FER: variants seen among roughly 807,000 people sequenced by gnomAD.
The protein encoded by FER is tyrosine-protein kinase Fer.
Under a neutral mutation model 111.0 loss-of-function variants are expected in FER, and 63 were observed. That is an observed-to-expected ratio of 0.57 (90% CI 0.46 to 0.70). The LOEUF (loss-of-function observed/expected upper bound fraction) is 0.70, where lower values mean the gene tolerates loss of function less well. FER is among the 30% of genes least tolerant of loss of function. The pLI is 0.00. For missense variants in FER, 914 were observed against 954.0 expected (o/e 0.96, Z 0.55); for synonymous variants, 327 against 313.9 (o/e 1.04, Z -0.44).
intron 16 of FER, among the ~76,000 whole-genome samples, chr5:109,076,089 A>T (rs1426464494): frequency 1.3e-5 from 2 of 152,024 alleles, no homozygotes; most frequent in African/African-American, 4.8e-5. Context: ...TATAACACCC[A>T]CCTACATTTT....
At chr5:108,975,747 G>C (rs1201192465) in intron 13 of FER, among the ~76,000 whole-genome samples, 1 of 152,110 alleles carries the variant, frequency 6.6e-6, no homozygotes, top group East Asian at 1.9e-4. Flanking sequence ...TATTTGTGGG[G>C]GTGTTGATTG....
At chr5:109,139,880 A>G (rs1413901311) in intron 17 of FER, among the ~76,000 whole-genome samples, 2 of 152,202 alleles carry the variant, frequency 1.3e-5, no homozygotes, top group Non-Finnish European at 2.9e-5. Context: ...ACACCGTGCT[A>G]GATGGATTGC....
intron 16 of FER, among the ~76,000 whole-genome samples, chr5:109,060,288 A>G (rs114853712): frequency 0.015 from 2,214 of 152,308 alleles, 41 homozygotes; most frequent in African/African-American, 0.05. Context: ...CTAAGCTTCA[A>G]TATACTTCTT....
intron 16 of FER, among the ~76,000 whole-genome samples, chr5:109,092,256 T>G (rs1020570119): frequency 1.2e-4 from 11 of 88,120 alleles, no homozygotes; most frequent in Admixed American, 3.4e-4. Context: ...ACAGGGAGAG[T>G]ACATCAATCT....
At chr5:108,751,756 C>G (rs1169348134) in intron 1 of FER, among the ~76,000 whole-genome samples, 1 of 152,090 alleles carries the variant, frequency 6.6e-6, no homozygotes, top group Non-Finnish European at 1.5e-5. Context: ...TTCGATAGGA[C>G]TCAACGATCT....
At chr5:108,930,966 G>A (rs544243990) in intron 10 of FER, among the ~76,000 whole-genome samples, 1 of 151,682 alleles carries the variant, frequency 6.6e-6, no homozygotes, top group African/African-American at 2.4e-5. Context: ...GTGTAGGGAA[G>A]GAAGAAAACG....
intron 13 of FER, among the ~76,000 whole-genome samples, chr5:108,963,897 A>T (rs1759464489): frequency 1.3e-5 from 2 of 152,160 alleles, no homozygotes; most frequent in Non-Finnish European, 2.9e-5. Flanking sequence ...CTTACATCTG[A>T]TATAGCTTGC....
intron 9 of FER, among the ~76,000 whole-genome samples, chr5:108,885,589 C>G (rs1746998680): frequency 6.6e-6 from 1 of 151,768 alleles, no homozygotes; most frequent in Non-Finnish European, 1.5e-5. Context: ...GCTGTCTTCT[C>G]ATTGTATCCT....
At chr5:109,173,766 C>G (rs540319306) in intron 17 of FER, among the ~76,000 whole-genome samples, 15 of 142,204 alleles carry the variant, frequency 1.1e-4, no homozygotes, top group Non-Finnish European at 2.3e-4. Context: ...TCCCCCCCCC[C>G]CACAAGTAAC....
chr5:109,037,360 A>G, intron 13 of FER, 62 bp from the exon 14 acceptor site: 2 of 1,424,868 alleles, frequency 1.4e-6, no homozygotes, highest in Non-Finnish European at 9.9e-7. Context: ...ACTGGCTCAA[A>G]TGCAACTTCA....
chr5:108,844,996 GTATATATATATATATATATATATA>G (rs1178206742), intron 5 of FER, among the ~76,000 whole-genome samples: 20 of 29,286 alleles, frequency 6.8e-4, no homozygotes, highest in Admixed American at 3.6e-3. Context: ...GTGTGTGTGT[GTATATATATATATATATATATATA>G]TATATATATA....
At chr5:109,139,892 A>G (rs1183474620) in intron 17 of FER, among the ~76,000 whole-genome samples, 2 of 152,174 alleles carry the variant, frequency 1.3e-5, no homozygotes, top group African/African-American at 2.4e-5. Flanking sequence ...ATGGATTGCA[A>G]TAAAAAAAAA....
rs1375039575 is a variant in FER, at chr5:108,798,279, G to C, written c.97G>C (p.Ala33Pro). The C allele has an allele frequency of 6.2e-7, 1 of 1,613,750 alleles. No homozygotes were observed. The highest frequency in any genetic ancestry group is 8.5e-7 in the Non-Finnish European group (1 of 1,179,860). The change falls in exon 3 of 20, where the codon GCC becomes CCC. Residue 33 changes from alanine (A) to proline (P), a missense_variant. Physicochemically the swap from Ala to Pro is conservative, Grantham distance 27 (BLOSUM62 -1). Coordinates refer to ENST00000281092, the MANE Select transcript of FER (RefSeq NM_005246.4). ...ACTGGAAACAGTAAAGAAATTTATG[G>C]CCCTGAGAATAAAAAGTGATAAAGA... Reference protein sequence around the residue: ...RLLETVKKFMALRIKSDKEYA... With the variant: ...RLLETVKKFMPLRIKSDKEYA...
At chr5:109,164,556 C>T (rs564821885) in intron 17 of FER, among the ~76,000 whole-genome samples, 4 of 152,142 alleles carry the variant, frequency 2.6e-5, no homozygotes, top group Non-Finnish European at 4.4e-5. Context: ...TTCTTTTATT[C>T]TTGCTCTTAA....
chr5:108,924,042 G>A (rs1427945833), intron 10 of FER, among the ~76,000 whole-genome samples: 1 of 151,258 alleles, frequency 6.6e-6, no homozygotes, highest in African/African-American at 2.4e-5. Context: ...AATAAAATCA[G>A]GTATTTTATT....
chr5:109,184,401 A>G (rs890715281), intron 18 of FER, among the ~76,000 whole-genome samples: 5 of 152,198 alleles, frequency 3.3e-5, no homozygotes, highest in Non-Finnish European at 7.3e-5. Context: ...AAGTAGCCAA[A>G]TGCTATACAA....
chr5:108,776,641 A>G lies in FER; in HGVS notation c.-60+8403A>G, dbSNP rs138976140. Among the ~76,000 whole-genome samples, 15 of 152,234 alleles carry G rather than the reference A, an allele frequency of 9.9e-5. No individual in the cohort carries two copies. In the East Asian group the frequency reaches 2.9e-3, roughly 29 times the overall value. On this transcript the variant is annotated intron_variant, in intron 2 of 19. Coordinates refer to ENST00000281092, the MANE Select transcript of FER (RefSeq NM_005246.4). ...TACATTTTGCTTTTTAATAACTTCC[A>G]TTTCTGTTTAAAAACTGTGTATTTA...
intron 16 of FER, chr5:109,051,771 G>T (rs758863709): frequency 5.1e-6 from 8 of 1,577,240 alleles, no homozygotes; most frequent in Non-Finnish European, 7.0e-6. Flanking sequence ...TGAAGAAAAC[G>T]TAGAAGAGTT....
In FER at chr5:108,779,120, T is replaced by C. The variant is rs1753784575; in HGVS notation, c.-60+10882T>C. Among the ~76,000 whole-genome samples the C allele has an allele frequency of 3.9e-5, 6 of 152,276 alleles. 1 individual carries two copies. In the South Asian group the frequency reaches 1.2e-3, roughly 32 times the overall value. On this transcript the variant is annotated intron_variant, in intron 2 of 19. Transcript: ENST00000281092. ...TGTCAAAGATCAGTTGACTGTATTTTTGTTGATCTATTTGTATACTCTCTA... is the reference window on the plus strand; with the variant it reads ...TGTCAAAGATCAGTTGACTGTATTTCTGTTGATCTATTTGTATACTCTCTA...
Sources: allele counts gnomAD v4.1 joint callset (sites outside exome capture counted in the v4.1 genomes callset), GRCh38; gene constraint gnomAD v4.1.1; transcripts MANE v1.5; gene names NCBI Gene and HGNC (gene_info 2026-07-23, HGNC 2026-07-21).